Variants in TIAM2 observed in about 807,000 individuals in gnomAD.
TIAM2 encodes the protein rho guanine nucleotide exchange factor TIAM2.
In TIAM2, 80 loss-of-function variants were observed where a neutral mutation model predicts 152.9. The observed-to-expected ratio is 0.52, with a 90% CI of 0.44 to 0.63. TIAM2 has a LOEUF of 0.63. Among genes scored for constraint, TIAM2 ranks in the 30% least tolerant of loss-of-function variants. The pLI, the probability that TIAM2 is intolerant of heterozygous loss-of-function variation, is 0.00. For missense variants in TIAM2, 1,965 were observed against 2,120.1 expected (o/e 0.93, Z 1.44); for synonymous variants, 804 against 838.0 (o/e 0.96, Z 0.70).
chr6:155,043,023 GTTC>G (rs1339651035), intron 1 of TIAM2, among the ~76,000 whole-genome samples: 2 of 152,268 alleles, frequency 1.3e-5, no homozygotes, highest in Non-Finnish European at 2.9e-5. Flanking sequence ...CTGTTTTCAA[GTTC>G]TTCATTTGCA....
intron 14 of TIAM2, among the ~76,000 whole-genome samples, chr6:155,204,842 T>C (rs1781558374): frequency 1.3e-5 from 2 of 152,164 alleles, no homozygotes; most frequent in South Asian, 4.1e-4. Context: ...ACACACTGGG[T>C]AATTTTAAAA....
At chr6:155,102,560 G>C (rs968539191) in intron 2 of TIAM2, among the ~76,000 whole-genome samples, 2 of 152,030 alleles carry the variant, frequency 1.3e-5, no homozygotes, top group Non-Finnish European at 2.9e-5. Flanking sequence ...CATTCTGGGG[G>C]TGTTCCAATG....
chr6:155,028,830 T>TATATATACACTATATATA (rs1776711050), intron 1 of TIAM2, among the ~76,000 whole-genome samples: 2 of 128,130 alleles, frequency 1.6e-5, no homozygotes, highest in African/African-American at 6.6e-5. Flanking sequence ...TATACTGTGT[T>TATATATACACTATATATA]ATATATATAC....
At chr6:155,099,234 G>A (rs549666778) in intron 2 of TIAM2, among the ~76,000 whole-genome samples, 5,467 of 150,980 alleles carry the variant, frequency 0.036, 212 homozygotes, top group Admixed American at 0.12. Flanking sequence ...GTGTGTGTGT[G>A]TGTGTGTGTG....
chr6:155,070,974 C>A (rs1777825320), intron 1 of TIAM2, among the ~76,000 whole-genome samples: 1 of 152,134 alleles, frequency 6.6e-6, no homozygotes, highest in Admixed American at 6.5e-5. Context: ...GAGGTCGAGA[C>A]CAGCCTGGGC....
At chr6:155,044,883 C>A (rs1460237264) in intron 1 of TIAM2, among the ~76,000 whole-genome samples, 5 of 151,728 alleles carry the variant, frequency 3.3e-5, no homozygotes, top group African/African-American at 4.8e-5. Flanking sequence ...TCTCTATTAA[C>A]TTTGTGTTTT....
At chr6:155,225,175 C>T (rs1464956359) in intron 15 of TIAM2, among the ~76,000 whole-genome samples, 8 of 152,118 alleles carry the variant, frequency 5.3e-5, no homozygotes, top group African/African-American at 9.7e-5. Context: ...AGGCTTGTCT[C>T]GAACTCCTGA....
intron 1 of TIAM2, among the ~76,000 whole-genome samples, chr6:155,039,277 A>C (rs1776977521): frequency 6.6e-6 from 1 of 151,926 alleles, no homozygotes; most frequent in African/African-American, 2.4e-5. Context: ...CTTAAAAAGA[A>C]AAAAAAATAT....
chr6:155,127,923 T>A (rs539992810), intron 3 of TIAM2, among the ~76,000 whole-genome samples: 1 of 152,328 alleles, frequency 6.6e-6, no homozygotes, highest in East Asian at 1.9e-4. Flanking sequence ...TTCCAGCTAC[T>A]TGGGAGGCTG....
At chr6:155,256,342 CTAAT>C in intron 26 of TIAM2, 138 bp from the exon 27 acceptor site, 1 of 1,272,720 alleles carries the variant, frequency 7.9e-7, no homozygotes, top group Non-Finnish European at 1.1e-6. Flanking sequence ...ACATTTTTGC[CTAAT>C]TACCAGGATA....
At chr6:155,242,136 C>G (rs1019622127) in intron 16 of TIAM2, among the ~76,000 whole-genome samples, 2 of 152,190 alleles carry the variant, frequency 1.3e-5, no homozygotes, top group African/African-American at 4.8e-5. Flanking sequence ...TAGGGCCCCC[C>G]TGGGTTGCAG....
chr6:155,010,936 C>G (rs565608987), intron 1 of TIAM2, among the ~76,000 whole-genome samples: 7 of 151,370 alleles, frequency 4.6e-5, no homozygotes, highest in African/African-American at 1.7e-4. Context: ...CCTAGCTACT[C>G]GGGAGGCTGA....
intron 1 of TIAM2, among the ~76,000 whole-genome samples, chr6:155,036,057 A>G (rs899227442): frequency 6.6e-6 from 1 of 152,196 alleles, no homozygotes; most frequent in East Asian, 1.9e-4. Flanking sequence ...CAGAGTATGT[A>G]TCATTTAGGC....
chr6:155,200,887 G>A (rs976355805), intron 14 of TIAM2, among the ~76,000 whole-genome samples: 14 of 152,080 alleles, frequency 9.2e-5, no homozygotes, highest in African/African-American at 3.4e-4. Flanking sequence ...TGGTGACAGA[G>A]CGAGACTCTG....
chr6:155,081,172 T>C (rs1363364397), intron 1 of TIAM2, among the ~76,000 whole-genome samples: 1 of 152,206 alleles, frequency 6.6e-6, no homozygotes, highest in Non-Finnish European at 1.5e-5. Context: ...TGGCAGCCTA[T>C]AGCATTAGAG....
chr6:155,045,840 C>CTTTTTTTTTTTTT (rs11354850), intron 1 of TIAM2, among the ~76,000 whole-genome samples: 34 of 60,456 alleles, frequency 5.6e-4, no homozygotes, highest in East Asian at 1.2e-3. Flanking sequence ...ATAGTGCCCT[C>CTTTTTTTTTTTTT]TTTTTTTTTT....
At chr6:155,224,664 C>A (rs1379133051) in intron 15 of TIAM2, among the ~76,000 whole-genome samples, 3 of 152,204 alleles carry the variant, frequency 2.0e-5, no homozygotes, top group African/African-American at 7.2e-5. Flanking sequence ...CCTTCCACAC[C>A]CCGACTGTGT....
chr6:155,254,483 C>A lies in TIAM2; in HGVS notation c.4378C>A (p.Arg1460Ser). 2 of 1,614,094 alleles carry A rather than the reference C, an allele frequency of 1.2e-6. No homozygotes were observed. The highest frequency in any genetic ancestry group is 1.7e-6 in the Non-Finnish European group (2 of 1,179,988). The change falls in exon 26 of 27, where the codon CGT becomes AGT. Residue 1460 changes from arginine (R) to serine (S), a missense_variant. Transcript: ENST00000682666. Reference protein sequence around the residue: ...IRSILRENFRRHIKCELPLEK... With the variant: ...IRSILRENFRSHIKCELPLEK... Reference sequence around the variant, plus strand: ...TTCTATTCTGAGGGAGAACTTCAGGCGTCACATAAAGTGTGAATTACCACT... The same window carrying A: ...TTCTATTCTGAGGGAGAACTTCAGGAGTCACATAAAGTGTGAATTACCACT...
intron 20 of TIAM2, among the ~76,000 whole-genome samples, chr6:155,248,677 C>A (rs527477125): frequency 1.3e-5 from 2 of 152,194 alleles, no homozygotes; most frequent in Non-Finnish European, 2.9e-5. Flanking sequence ...CAAGTCGCTA[C>A]TGGTGTGTTA....
Sources: gnomAD v4.1 joint callset for allele counts (sites outside exome capture counted in the v4.1 genomes callset) on GRCh38, gnomAD v4.1.1 for gene constraint, MANE v1.5 for transcripts, NCBI Gene and HGNC (gene_info 2026-07-23, HGNC 2026-07-21) for gene names.